GPM6A: variants seen among roughly 807,000 people sequenced by gnomAD.
GPM6A encodes the protein glycoprotein M6A, also known as neuronal membrane glycoprotein M6-a.
In GPM6A, 7 loss-of-function variants were observed where a neutral mutation model predicts 32.1. The observed-to-expected ratio is 0.22, with a 90% CI of 0.12 to 0.41. The LOEUF is 0.41. Among genes scored for constraint, GPM6A ranks in the 10% least tolerant of loss-of-function variants. The pLI is 1.00. For synonymous variants in GPM6A, 130 were observed against 123.4 expected, an observed-to-expected ratio of 1.05 and a Z score of -0.35; for missense variants, 235 against 347.2, an observed-to-expected ratio of 0.68 and a Z score of 2.57.
intron 1 of GPM6A, among the ~76,000 whole-genome samples, chr4:175,711,523 A>G (rs1211551337): frequency 6.9e-6 from 1 of 145,330 alleles, no homozygotes; most frequent in Non-Finnish European, 1.5e-5. Context: ...ATAAATACAT[A>G]TATGTATGTA....
At chr4:175,780,359 T>A (rs1484487826) in intron 1 of GPM6A, among the ~76,000 whole-genome samples, 1 of 152,196 alleles carries the variant, frequency 6.6e-6, no homozygotes, top group Admixed American at 6.5e-5. Flanking sequence ...AGGCATCAAC[T>A]TTTAATAAAT....
At chr4:175,845,833 T>C (rs1736070371) in intron 1 of GPM6A, among the ~76,000 whole-genome samples, 1 of 152,072 alleles carries the variant, frequency 6.6e-6, no homozygotes, top group East Asian at 1.9e-4. Context: ...ATCACATTAT[T>C]CCCATGCTAA....
intron 1 of GPM6A, among the ~76,000 whole-genome samples, chr4:175,830,717 T>C (rs1735583352): frequency 6.6e-6 from 1 of 152,230 alleles, no homozygotes; most frequent in Non-Finnish European, 1.5e-5. Context: ...AGGTTCTTAC[T>C]ATATATGTCA....
At chr4:175,920,357 C>T (rs1291453683) in intron 1 of GPM6A, among the ~76,000 whole-genome samples, 2 of 152,194 alleles carry the variant, frequency 1.3e-5, no homozygotes, top group African/African-American at 4.8e-5. Context: ...GGGTTAATTA[C>T]TTTTTAAAAT....
chr4:175,914,323 T>C (rs1738417611), intron 1 of GPM6A, among the ~76,000 whole-genome samples: 1 of 152,184 alleles, frequency 6.6e-6, no homozygotes, highest in Non-Finnish European at 1.5e-5. Context: ...CATTTTGTTT[T>C]GTTTTGTTTT....
intron 1 of GPM6A, among the ~76,000 whole-genome samples, chr4:175,782,126 A>G (rs1733636254): frequency 6.6e-6 from 1 of 152,126 alleles, no homozygotes; most frequent in Non-Finnish European, 1.5e-5. Context: ...CAGCATTGTT[A>G]TTATTATCAG....
chr4:175,732,506 A>G (rs959652078), intron 1 of GPM6A, among the ~76,000 whole-genome samples: 4 of 152,120 alleles, frequency 2.6e-5, no homozygotes, highest in African/African-American at 9.7e-5. Flanking sequence ...AAATTTATCT[A>G]TATAATCTGA....
At chr4:175,878,233 C>T (rs1432421375) in intron 1 of GPM6A, among the ~76,000 whole-genome samples, 1 of 152,132 alleles carries the variant, frequency 6.6e-6, no homozygotes, top group Non-Finnish European at 1.5e-5. Flanking sequence ...AGTGGATCTA[C>T]CATTCTGGGG....
rs1257916497 is a variant in GPM6A, at chr4:175,681,046, A to T, written c.231-7210T>A. ...TGGTTATTGATATCTTACAGTTAGAATATTGCAGCAATGAATAACTTTGTT... is the reference window on the plus strand; with the variant it reads ...TGGTTATTGATATCTTACAGTTAGATTATTGCAGCAATGAATAACTTTGTT... On this transcript the variant is annotated intron_variant, in intron 2 of 6. Transcript: ENST00000393658. Among the ~76,000 whole-genome samples the T allele has an allele frequency of 3.3e-5, 5 of 152,234 alleles. No homozygotes were observed. In the East Asian group the frequency reaches 9.6e-4, roughly 29 times the overall value.
intron 1 of GPM6A, among the ~76,000 whole-genome samples, chr4:175,940,696 C>T (rs754021373): frequency 6.6e-6 from 1 of 152,068 alleles, no homozygotes; most frequent in Non-Finnish European, 1.5e-5. Context: ...GCAACCTCCG[C>T]CTCCTAGATT....
chr4:175,994,212 C>G (rs1231337372), intron 1 of GPM6A, among the ~76,000 whole-genome samples: 5 of 151,962 alleles, frequency 3.3e-5, no homozygotes, highest in African/African-American at 1.2e-4. Context: ...AGAACATCAC[C>G]CAAGAAGGCT....
chr4:175,878,678 C>T (rs1737168141), intron 1 of GPM6A, among the ~76,000 whole-genome samples: 1 of 152,034 alleles, frequency 6.6e-6, no homozygotes, highest in African/African-American at 2.4e-5. Flanking sequence ...GATGGGCTGC[C>T]TTGAAGGTTT....
chr4:175,874,818 A>T (rs1480303142), intron 1 of GPM6A, among the ~76,000 whole-genome samples: 1 of 152,296 alleles, frequency 6.6e-6, no homozygotes, highest in South Asian at 2.1e-4. Context: ...GTTCATTTCA[A>T]TTGGCATACA....
At chr4:175,796,308 T>C (rs1734225498) in intron 1 of GPM6A, among the ~76,000 whole-genome samples, 1 of 152,150 alleles carries the variant, frequency 6.6e-6, no homozygotes, top group Non-Finnish European at 1.5e-5. Context: ...AAGGAGGCGA[T>C]ATAACATGAT....
intron 1 of GPM6A, among the ~76,000 whole-genome samples, chr4:175,785,104 G>A (rs553347662): frequency 2.0e-5 from 3 of 152,226 alleles, no homozygotes; most frequent in South Asian, 4.1e-4. Flanking sequence ...TCCCATTTCC[G>A]AAGCTAGATC....
At chr4:175,787,384 G>C in intron 1 of GPM6A, 1 of 1,535,068 alleles carries the variant, frequency 6.5e-7, no homozygotes, top group Admixed American at 2.0e-5. Flanking sequence ...CTGGCTCCTT[G>C]TGAACTCTAT....
intron 3 of GPM6A, among the ~76,000 whole-genome samples, chr4:175,663,875 G>A (rs894805730): frequency 6.6e-6 from 1 of 151,934 alleles, no homozygotes; most frequent in Non-Finnish European, 1.5e-5. Context: ...TGTATTCTTA[G>A]TAGAAACGGG....
chr4:175,725,896 A>C (rs1746378236), intron 1 of GPM6A, among the ~76,000 whole-genome samples: 1 of 152,190 alleles, frequency 6.6e-6, no homozygotes, highest in Non-Finnish European at 1.5e-5. Context: ...GACAACATGA[A>C]AGATAAAAAT....
At chr4:175,761,798 C>CTT (rs35539334) in intron 1 of GPM6A, among the ~76,000 whole-genome samples, 142 of 146,870 alleles carry the variant, frequency 9.7e-4, no homozygotes, top group Non-Finnish European at 1.6e-3. Flanking sequence ...AAATAATAAA[C>CTT]TTTTTTTTTT....
Sources: allele counts gnomAD v4.1 joint callset (sites outside exome capture counted in the v4.1 genomes callset), GRCh38; gene constraint gnomAD v4.1.1; transcripts MANE v1.5; gene names NCBI Gene and HGNC (gene_info 2026-07-23, HGNC 2026-07-21).